Variants in PPP3CA observed in about 807,000 individuals in gnomAD.
PPP3CA encodes protein phosphatase 3 catalytic subunit alpha.
PPP3CA carries 14 observed loss-of-function variants against 66.5 expected under a neutral mutation model. The ratio of observed to expected loss-of-function variants is 0.21; its 90% CI spans 0.14 to 0.33. The LOEUF (loss-of-function observed/expected upper bound fraction) is 0.33. PPP3CA is among the 10% of genes least tolerant of loss of function. PPP3CA has a pLI of 1.00. For missense variants in PPP3CA, 317 were observed against 639.5 expected (o/e 0.50, Z 5.44); for synonymous variants, 232 against 226.2 (o/e 1.03, Z -0.23).
chr4:101,241,771 C>T (rs2110234551), intron 1 of PPP3CA, among the ~76,000 whole-genome samples: 1 of 152,156 alleles, frequency 6.6e-6, no homozygotes, highest in African/African-American at 2.4e-5. Context: ...TACCAAAAAT[C>T]ACACAGTCTC....
intron 1 of PPP3CA, among the ~76,000 whole-genome samples, chr4:101,334,533 G>A (rs1334334022): frequency 6.6e-6 from 1 of 152,000 alleles, no homozygotes; most frequent in Non-Finnish European, 1.5e-5. Context: ...TTTTTTCCTA[G>A]ATTCAACATT....
chr4:101,226,792 G>A (rs1022554988), intron 1 of PPP3CA, among the ~76,000 whole-genome samples: 1 of 151,478 alleles, frequency 6.6e-6, no homozygotes, highest in Non-Finnish European at 1.5e-5. Flanking sequence ...TCTCATGTAA[G>A]AACATGATTC....
chr4:101,103,619 C>T (rs923453343), intron 3 of PPP3CA, among the ~76,000 whole-genome samples: 4 of 152,142 alleles, frequency 2.6e-5, no homozygotes, highest in African/African-American at 4.8e-5. Context: ...TTCTGGTCTA[C>T]GAATTCACAG....
At chr4:101,285,723 G>A (rs947840609) in intron 1 of PPP3CA, among the ~76,000 whole-genome samples, 3 of 150,600 alleles carry the variant, frequency 2.0e-5, no homozygotes, top group Non-Finnish European at 3.0e-5. Flanking sequence ...GGTCAAGCAC[G>A]ACCCACAAAG....
chr4:101,244,088 A>T (rs1726399475), intron 1 of PPP3CA, among the ~76,000 whole-genome samples: 1 of 152,194 alleles, frequency 6.6e-6, no homozygotes, highest in Non-Finnish European at 1.5e-5. Context: ...GAAAGATCAT[A>T]TCTTCCAAAT....
chr4:101,220,374 T>C lies in PPP3CA; in HGVS notation c.59-24258A>G, dbSNP rs114221518. 8.9e-3 allele frequency among the ~76,000 whole-genome samples: 1,351 copies of C among 151,646 alleles called. 19 individuals are homozygous for C. Among genetic ancestry groups the C allele is most frequent in the African/African-American group, 0.031 (1,291 of 41,472 alleles). ...ATGAGAAGGGAAAAAATTAACCTGT[T>C]CCTTTTTTACCAAAACCATTTTTAG... On this transcript the variant is annotated intron_variant, in intron 1 of 13. Transcript: ENST00000394854.
intron 1 of PPP3CA, among the ~76,000 whole-genome samples, chr4:101,295,978 T>C (rs1728187833): frequency 6.6e-6 from 1 of 152,212 alleles, no homozygotes; most frequent in Non-Finnish European, 1.5e-5. Flanking sequence ...TTTCCTTCTG[T>C]GCTTTCTTTT....
intron 2 of PPP3CA, among the ~76,000 whole-genome samples, chr4:101,121,613 A>G (rs1239784163): frequency 6.6e-6 from 1 of 152,144 alleles, no homozygotes; most frequent in African/African-American, 2.4e-5. Flanking sequence ...AGGATATTTT[A>G]TTTCATTTTA....
At chr4:101,114,973 G>T (rs1051202335) in intron 2 of PPP3CA, among the ~76,000 whole-genome samples, 1 of 152,030 alleles carries the variant, frequency 6.6e-6, no homozygotes, top group African/African-American at 2.4e-5. Context: ...AAATATTAAC[G>T]TGTGTGTCTA....
intron 8 of PPP3CA, among the ~76,000 whole-genome samples, chr4:101,073,508 C>A (rs1243698019): frequency 6.6e-6 from 1 of 152,028 alleles, no homozygotes; most frequent in Non-Finnish European, 1.5e-5. Flanking sequence ...AACTTCTGAC[C>A]TCATGATCTG....
At chr4:101,139,537 G>A (rs1172286770) in intron 2 of PPP3CA, among the ~76,000 whole-genome samples, 1 of 152,020 alleles carries the variant, frequency 6.6e-6, no homozygotes, top group Non-Finnish European at 1.5e-5. Context: ...CATTGTGGGA[G>A]CTCACAAATA....
At chr4:101,056,196 G>C (rs1728215973) in intron 10 of PPP3CA, among the ~76,000 whole-genome samples, 1 of 151,990 alleles carries the variant, frequency 6.6e-6, no homozygotes, top group Non-Finnish European at 1.5e-5. Context: ...TGTAAAATAA[G>C]GATAATAATA....
chr4:101,148,719 GA>G (rs1157425928), intron 2 of PPP3CA, among the ~76,000 whole-genome samples: 1 of 152,084 alleles, frequency 6.6e-6, no homozygotes, highest in African/African-American at 2.4e-5. Context: ...TTTTATCTCA[GA>G]TGGTAAATGT....
Position 101,106,421 on chromosome 4 carries a change from GAAAGAAAGAAAGAAAGAAAGA to G in PPP3CA, c.384+2512_384+2532del, listed in dbSNP as rs1730696950. 2.0e-4 allele frequency among the ~76,000 whole-genome samples: 2 copies of G among 10,184 alleles called. 1 individual carries two copies. The highest frequency in any genetic ancestry group is 6.1e-4 in the African/African-American group (2 of 3,254). 6.7% of individuals were successfully genotyped at this position (10,184 alleles called of 152,430 possible). ...AGAAAGAAAGAAAGAAAGAAAGAAAGAAAGAAAGAAAGAAAGAAAGAAAGAAAGAAAGAGAAAAGAAAAGAA... is the reference window on the plus strand; with the variant it reads ...AGAAAGAAAGAAAGAAAGAAAGAAAGAAGAAAGAAAGAGAAAAGAAAAGAA... On this transcript the variant is annotated intron_variant, in intron 3 of 13. Coordinates refer to ENST00000394854, the MANE Select transcript of PPP3CA (RefSeq NM_000944.5).
intron 10 of PPP3CA, among the ~76,000 whole-genome samples, chr4:101,049,537 A>G (rs895144352): frequency 6.6e-6 from 1 of 151,996 alleles, no homozygotes; most frequent in Non-Finnish European, 1.5e-5. Context: ...AAGCAGTCAT[A>G]ATGCCTGGAT....
At position 101,203,420 on chromosome 4, in the gene PPP3CA, G is replaced by A. The variant is rs536959517; in HGVS notation, c.59-7304C>T. On this transcript the variant is annotated intron_variant, in intron 1 of 13. Coordinates refer to ENST00000394854, the MANE Select transcript of PPP3CA (RefSeq NM_000944.5). ...TAAGGCAGGAGAACCACCTGAACCC[G>A]GGAGGCGGAGGCTGCAGTGAGCCGA... Among the ~76,000 whole-genome samples, 15 of 152,148 alleles carry A rather than the reference G, an allele frequency of 9.9e-5. No individual in the cohort carries two copies. The East Asian group carries it at 2.5e-3, about 26-fold the overall frequency.
In PPP3CA at chr4:101,204,365, A is replaced by T. The variant is rs1381778756; in HGVS notation, c.59-8249T>A. Reference sequence around the variant, plus strand: ...TTATACACACAAGTAGGCCGGGCTCAGTGGCTCACGCCTGTAATCCCAGCA... The same window carrying T: ...TTATACACACAAGTAGGCCGGGCTCTGTGGCTCACGCCTGTAATCCCAGCA... On this transcript the variant is annotated intron_variant, in intron 1 of 13. Coordinates refer to ENST00000394854, the MANE Select transcript of PPP3CA (RefSeq NM_000944.5). Among the ~76,000 whole-genome samples the T allele has an allele frequency of 2.6e-5, 4 of 152,164 alleles. No homozygotes were observed. In the East Asian group the frequency reaches 7.8e-4, roughly 30 times the overall value.
At chr4:101,336,643 T>G (rs1202944414) in intron 1 of PPP3CA, among the ~76,000 whole-genome samples, 1 of 149,132 alleles carries the variant, frequency 6.7e-6, no homozygotes, top group South Asian at 2.1e-4. Context: ...GGCAAACAGG[T>G]AAGACTTATT....
intron 1 of PPP3CA, among the ~76,000 whole-genome samples, chr4:101,275,803 T>C (rs1727471122): frequency 6.6e-6 from 1 of 152,122 alleles, no homozygotes; most frequent in African/African-American, 2.4e-5. Flanking sequence ...TACATCTTTT[T>C]TGTTTGTTTT....
Sources: allele counts gnomAD v4.1 joint callset (sites outside exome capture counted in the v4.1 genomes callset), GRCh38; gene constraint gnomAD v4.1.1; transcripts MANE v1.5; gene names NCBI Gene and HGNC (gene_info 2026-07-23, HGNC 2026-07-21).